The following TECTA variants were observed in gnomAD, a reference collection of about 807,000 sequenced individuals.
TECTA encodes alpha-tectorin.
Under a neutral mutation model 216.8 loss-of-function variants are expected in TECTA, and 128 were observed. That is an observed-to-expected ratio of 0.59 (90% CI 0.51 to 0.68). The LOEUF is 0.68. Ranked by LOEUF, TECTA falls within the 30% of genes least tolerant of loss-of-function variation. The pLI, the probability that TECTA is intolerant of heterozygous loss-of-function variation, is 0.00. For missense variants in TECTA, 2,551 were observed against 2,786.2 expected, an observed-to-expected ratio of 0.92 and a Z score of 1.90; for synonymous variants, 1,089 against 1,117.1, an observed-to-expected ratio of 0.97 and a Z score of 0.50.
Position 121,168,774 on chromosome 11 carries a change from G to A in TECTA, c.5848G>A (p.Glu1950Lys), listed in dbSNP as rs764660349. 6.2e-7 allele frequency: 1 copy of A among 1,614,194 alleles called. No individual in the cohort carries two copies. Residue 1950 changes from glutamate to lysine, a missense_variant, in exon 20 of 24, where the codon GAA (glutamate) becomes AAA (lysine). Physicochemically the swap from Glu to Lys is moderately conservative, Grantham distance 56. Around this residue, in one of 3 missense-constraint regions of TECTA, gnomAD observed 2,375 missense variants for 2,563.9 expected, o/e 0.93. Transcript: ENST00000392793. Reference sequence around the variant, plus strand: ...CTACAAACATCCTTACCGCCAGGGTGAAGTAGTGTTGACGACTCGAGATGT... The same window carrying A: ...CTACAAACATCCTTACCGCCAGGGTAAAGTAGTGTTGACGACTCGAGATGT... Reference protein sequence around the residue: ...ASYKHPYRQGEVVLTTRDVLY... With the variant: ...ASYKHPYRQGKVVLTTRDVLY...
chr11:121,148,984 G>A (rs932140380), intron 12 of TECTA, among the ~76,000 whole-genome samples: 1 of 152,188 alleles, frequency 6.6e-6, no homozygotes, highest in Non-Finnish European at 1.5e-5. Flanking sequence ...GGTGAGAGGA[G>A]AAAGAGAAGG....
rs1298734098 is a variant in TECTA, at chr11:121,127,890, T to A, written c.1913T>A (p.Val638Asp). 1 of 1,613,934 alleles carries A rather than the reference T, an allele frequency of 6.2e-7. No individual in the cohort carries two copies. Among genetic ancestry groups the A allele is most frequent in the African/African-American group, 1.3e-5 (1 of 74,932 alleles). Residue 638 changes from valine (V) to aspartate (D), a missense_variant, in exon 9 of 24, where the codon GTC becomes GAC. Coordinates refer to ENST00000392793, the MANE Select transcript of TECTA (RefSeq NM_005422.4). The surrounding 1 kb of genome is among the most constrained non-coding windows in gnomAD (Gnocchi z 5.0). The stretch of plus-strand genomic sequence containing the variant: ...GGCTGCGAGTGCAACCAGGGCTTCG[T>A]CCTCAGCACCAGCCAGTGCGTCCCT... ...TEGCECNQGF[V>D]LSTSQCVPLH...
chr11:121,129,935 T>C lies in TECTA; in HGVS notation c.2665T>C (p.Cys889Arg). The part of the protein sequence containing the change: ...TTFEEICNGE[C>R]GDLLKACNND... ...TTTCGAGGAGATCTGCAATGGAGAG[T>C]GTGGGGACCTGCTGAAGGCCTGCAA... is the stretch of plus-strand genomic sequence containing the variant. Residue 889 changes from cysteine to arginine, a missense_variant, in exon 10 of 24, where the codon TGT (cysteine) becomes CGT (arginine). By Grantham distance (180) the Cys-to-Arg change is radical. Around this residue, in one of 3 missense-constraint regions of TECTA, gnomAD observed 2,375 missense variants for 2,563.9 expected, o/e 0.93. Transcript: ENST00000392793. 6.2e-7 allele frequency: 1 copy of C among 1,610,274 alleles called. No homozygotes were observed. The highest frequency in any genetic ancestry group is 8.5e-7 in the Non-Finnish European group (1 of 1,177,342).
At chr11:121,107,588 T>A (rs1315581161) in intron 3 of TECTA, among the ~76,000 whole-genome samples, 3 of 152,210 alleles carry the variant, frequency 2.0e-5, no homozygotes, top group Admixed American at 1.3e-4. Context: ...GATTGGAATG[T>A]ATAGGAAAAT....
chr11:121,163,881 T>C (rs927139372), intron 16 of TECTA, among the ~76,000 whole-genome samples: 2 of 152,252 alleles, frequency 1.3e-5, no homozygotes, highest in Non-Finnish European at 2.9e-5. Flanking sequence ...GTGGCTGTTA[T>C]GTGCTTAGCA....
At position 121,127,163 on chromosome 11, in the gene TECTA, A is replaced by AATT. The variant is rs1946621023; in HGVS notation, c.1775-589_1775-588insATT. On this transcript the variant is annotated intron_variant, in intron 8 of 23. Coordinates refer to ENST00000392793, the MANE Select transcript of TECTA (RefSeq NM_005422.4). This position sits in a 1 kb window ranked among gnomAD's most constrained non-coding sequence, Gnocchi z 5.0. ...ATCTTACCTTGTCTCCTGGAGAAAC[A>AATT]GCCACACAAATTCTTTGAATTCTTT... 6.6e-6 allele frequency among the ~76,000 whole-genome samples: 1 copy of AATT among 152,246 alleles called. No homozygotes were observed. Among genetic ancestry groups the AATT allele is most frequent in the Non-Finnish European group, 1.5e-5 (1 of 68,044 alleles).
chr11:121,121,420 C>T lies in TECTA; in HGVS notation c.1203+2702C>T, dbSNP rs1219379514. On this transcript the variant is annotated intron_variant, in intron 7 of 23. Transcript: ENST00000392793. The stretch of plus-strand genomic sequence containing the variant: ...AAGCAAGCAAACAGGCGAGGCTTAT[C>T]AGCTGTCTGCTAACCATAGGTTGAG... 2.0e-5 allele frequency among the ~76,000 whole-genome samples: 3 copies of T among 152,208 alleles called. No homozygotes were observed. The East Asian group carries it at 5.8e-4, about 29-fold the overall frequency.
intron 20 of TECTA, among the ~76,000 whole-genome samples, chr11:121,177,898 C>A (rs1312314319): frequency 6.6e-6 from 1 of 152,232 alleles, no homozygotes; most frequent in Admixed American, 6.5e-5. Context: ...GCCCCTCCCC[C>A]AGCCTTGCTG....
At chr11:121,177,175 C>T (rs1418337539) in intron 20 of TECTA, among the ~76,000 whole-genome samples, 3 of 152,242 alleles carry the variant, frequency 2.0e-5, no homozygotes, top group Admixed American at 1.3e-4. Context: ...TCTCTCAACT[C>T]GTCAAAGTCA....
intron 20 of TECTA, among the ~76,000 whole-genome samples, chr11:121,174,812 A>G (rs1341341538): frequency 1.3e-5 from 2 of 152,146 alleles, no homozygotes; most frequent in Non-Finnish European, 1.5e-5. Flanking sequence ...CTGTGAATCC[A>G]TCTGGTCCTG....
At position 121,113,014 on chromosome 11, in the gene TECTA, T is replaced by TG. The variant is rs1450367374; in HGVS notation, c.487-54dup. On this transcript the variant is annotated intron_variant, in intron 4 of 23. Transcript: ENST00000392793. The surrounding 1 kb of genome is among the most constrained non-coding windows in gnomAD (Gnocchi z 4.2). ...GCGCAGGGTGAAGGGAGGACCTCCTTGGGGCCAGGACCTCCTGGGGAGTGC... is the reference window on the plus strand; with the variant it reads ...GCGCAGGGTGAAGGGAGGACCTCCTTGGGGGCCAGGACCTCCTGGGGAGTGC... 1.4e-5 allele frequency: 23 copies of TG among 1,610,746 alleles called. No homozygotes were observed. The highest frequency in any genetic ancestry group is 2.0e-5 in the Non-Finnish European group (23 of 1,178,442).
rs547896931 is a variant in TECTA at position 121,158,057 on chromosome 11, A to C, written c.4522A>C (p.Asn1508His). ...FDGAFLRFPA[N>H]CAFVLSTICQ... ...CGGCGCCTTCCTGCGCTTCCCAGCCAACTGCGCCTTCGTGCTGTCCACCAT... is the reference window on the plus strand; with the variant it reads ...CGGCGCCTTCCTGCGCTTCCCAGCCCACTGCGCCTTCGTGCTGTCCACCAT... The change falls in exon 14 of 24, where the codon AAC (asparagine) becomes CAC (histidine). Residue 1508 changes from asparagine to histidine, a missense_variant. By Grantham distance (68) the Asn-to-His change is moderately conservative (BLOSUM62 1). Coordinates refer to ENST00000392793, the MANE Select transcript of TECTA (RefSeq NM_005422.4). 8.1e-6 allele frequency: 13 copies of C among 1,613,516 alleles called. No individual in the cohort carries two copies. In the South Asian group the frequency reaches 1.4e-4, roughly 18 times the overall value.
Position 121,145,804 on chromosome 11 carries a change from G to A in TECTA, c.3793G>A (p.Glu1265Lys). 1 of 1,614,250 alleles carries A rather than the reference G, an allele frequency of 6.2e-7. No individual in the cohort carries two copies. The highest frequency in any genetic ancestry group is 8.5e-7 in the Non-Finnish European group (1 of 1,180,048). Reference protein sequence around the residue: ...PMGLLASSVNEFGQSWVKRDT... With the variant: ...PMGLLASSVNKFGQSWVKRDT... Reference sequence around the variant, plus strand: ...GGGTCTGCTTGCATCGAGTGTCAATGAGTTTGGGCAGAGCTGGGTGAAGAG... The same window carrying A: ...GGGTCTGCTTGCATCGAGTGTCAATAAGTTTGGGCAGAGCTGGGTGAAGAG... Residue 1265 changes from glutamate (E) to lysine (K), a missense_variant, in exon 12 of 24, where the codon GAG becomes AAG. Physicochemically the swap from Glu to Lys is moderately conservative, Grantham distance 56. Coordinates refer to ENST00000392793, the MANE Select transcript of TECTA (RefSeq NM_005422.4).
chr11:121,174,190 C>T (rs1947141154), intron 20 of TECTA, among the ~76,000 whole-genome samples: 1 of 151,906 alleles, frequency 6.6e-6, no homozygotes. Flanking sequence ...ATTTCCTTCT[C>T]CTGCCTAATT....
At chr11:121,129,068 A>G (rs1946645338) in intron 9 of TECTA, among the ~76,000 whole-genome samples, 1 of 152,266 alleles carries the variant, frequency 6.6e-6, no homozygotes, top group Non-Finnish European at 1.5e-5. Context: ...ACAAAAGCCA[A>G]CACAGTACTG....
intron 20 of TECTA, among the ~76,000 whole-genome samples, chr11:121,171,640 A>T (rs1044082499): frequency 2.6e-5 from 4 of 152,100 alleles, no homozygotes; most frequent in African/African-American, 9.7e-5. Flanking sequence ...TCACTTGGTT[A>T]AATTTATTCC....
At position 121,160,266 on chromosome 11, in the gene TECTA, A is replaced by G. The variant is rs776307519; in HGVS notation, c.4821A>G (p.Lys1607=). 1.2e-6 allele frequency: 2 copies of G among 1,614,206 alleles called. No individual in the cohort carries two copies. Among genetic ancestry groups the G allele is most frequent in the Non-Finnish European group, 1.7e-6 (2 of 1,180,038 alleles). The change falls in exon 15 of 24, where the codon AAA becomes AAG. Residue 1607 remains lysine, a synonymous_variant. Transcript: ENST00000392793. ...QIYYNGFNVI[K]ISISERLQNK... is the part of the protein sequence containing the mutation. ...ACTACAATGGTTTCAACGTCATTAA[A>G]ATCAGCATCAGCGAGAGGCTGCAGA...
intron 7 of TECTA, among the ~76,000 whole-genome samples, chr11:121,121,704 G>A (rs1045548058): frequency 2.0e-5 from 3 of 152,150 alleles, no homozygotes; most frequent in Non-Finnish European, 4.4e-5. Context: ...TGTGATGGTG[G>A]GGGGACTGTA....
chr11:121,158,025 C>T lies in TECTA; in HGVS notation c.4490C>T (p.Thr1497Ile). 1 of 1,613,022 alleles carries T rather than the reference C, an allele frequency of 6.2e-7. No homozygotes were observed. The highest frequency in any genetic ancestry group is 8.5e-7 in the Non-Finnish European group (1 of 1,179,928). Reference protein sequence around the residue: ...CLAAGGGVFRTFDGAFLRFPA... With the variant: ...CLAAGGGVFRIFDGAFLRFPA... ...GCGGCCGGCGGCGGCGTCTTCCGCA[C>T]CTTCGACGGCGCCTTCCTGCGCTTC... is the stretch of plus-strand genomic sequence containing the variant. The change falls in exon 14 of 24, where the codon ACC becomes ATC. Residue 1497 changes from threonine (T) to isoleucine (I), a missense_variant. By Grantham distance (89) the Thr-to-Ile change is moderately conservative. Coordinates refer to ENST00000392793, the MANE Select transcript of TECTA (RefSeq NM_005422.4).
Sources: gnomAD v4.1 joint callset for allele counts (sites outside exome capture counted in the v4.1 genomes callset) on GRCh38, gnomAD v4.1.1 for gene constraint, gnomAD v4.1.1 regional missense constraint, Gnocchi (gnomAD v3.1) non-coding constraint, MANE v1.5 for transcripts, NCBI Gene and HGNC (gene_info 2026-07-23, HGNC 2026-07-21) for gene names.